Variants in VPS37B observed in about 807,000 individuals in gnomAD.
VPS37B encodes vacuolar protein sorting-associated protein 37B.
Under a neutral mutation model 21.2 loss-of-function variants are expected in VPS37B, and 11 were observed. The observed-to-expected ratio is 0.52, with a 90% CI of 0.33 to 0.86. VPS37B has a LOEUF of 0.86. Ranked by LOEUF, VPS37B falls within the 40% of genes least tolerant of loss-of-function variation. The pLI is 0.03. For missense variants in VPS37B, 389 were observed against 374.8 expected, an observed-to-expected ratio of 1.04 and a Z score of -0.31; for synonymous variants, 175 against 159.6, an observed-to-expected ratio of 1.10 and a Z score of -0.73.
At chr12:122,875,787 C>T (rs2034138268) in intron 1 of VPS37B, 2 of 150,088 alleles carry the variant, frequency 1.3e-5, no homozygotes, top group Non-Finnish European at 2.9e-5. Flanking sequence ...ATGTCTGTGA[C>T]CAAATCTGTA....
At chr12:122,894,982 C>A (rs2034469507) in intron 1 of VPS37B, among the ~76,000 whole-genome samples, 1 of 152,138 alleles carries the variant, frequency 6.6e-6, no homozygotes, top group South Asian at 2.1e-4. Flanking sequence ...AATTTCCCAC[C>A]TTCCCTTCCT....
chr12:122,877,908 T>G (rs1048439406), intron 1 of VPS37B: 1 of 152,210 alleles, frequency 6.6e-6, no homozygotes, highest in Admixed American at 6.5e-5. Context: ...CTGTGCTTGT[T>G]TGTTCATCTA....
intron 1 of VPS37B, chr12:122,887,981 G>C (rs2034353857): frequency 2.0e-5 from 3 of 152,412 alleles, no homozygotes; most frequent in Non-Finnish European, 4.4e-5. Context: ...TGGATTTACA[G>C]GTGTCAGCCA....
At chr12:122,895,328 C>T (rs921673488) in intron 1 of VPS37B, among the ~76,000 whole-genome samples, 1 of 151,614 alleles carries the variant, frequency 6.6e-6, no homozygotes, top group African/African-American at 2.4e-5. Flanking sequence ...CCACTCAGTC[C>T]CCCAAAACCT....
At chr12:122,887,465 T>C (rs2034345528) in intron 1 of VPS37B, 1 of 152,336 alleles carries the variant, frequency 6.6e-6, no homozygotes, top group Non-Finnish European at 1.5e-5. Flanking sequence ...AATATTCCTG[T>C]ATGCACACAC....
At chr12:122,883,362 C>G (rs908339597) in intron 1 of VPS37B, 2 of 152,182 alleles carry the variant, frequency 1.3e-5, no homozygotes, top group Admixed American at 1.3e-4. Flanking sequence ...ACACAAAAAG[C>G]TAGGCTCGAA....
chr12:122,866,104 A>AG lies in VPS37B; in HGVS notation c.*1011dup, dbSNP rs1308550942. 2 of 152,668 alleles carry AG rather than the reference A, an allele frequency of 1.3e-5. No individual in the cohort carries two copies. Among genetic ancestry groups the AG allele is most frequent in the African/African-American group, 4.8e-5 (2 of 41,460 alleles). 9.5% of individuals were successfully genotyped at this position (152,668 alleles called of 1,614,324 possible). ...TGTAACAGGGCAATGAACTTGGACA[A>AG]GCCCTTCAGAGAAAGCAGAGCCGGG... On this transcript the variant is annotated 3_prime_UTR_variant, in exon 4 of 4. Coordinates refer to ENST00000267202, the MANE Select transcript of VPS37B (RefSeq NM_024667.3).
intron 1 of VPS37B, chr12:122,872,509 T>C: frequency 2.0e-6 from 2 of 985,364 alleles, no homozygotes; most frequent in African/African-American, 1.7e-5. Context: ...CTGATGCCTT[T>C]AGCAAAAAAG....
rs1294263672 is a variant in VPS37B, at chr12:122,867,664, C to T, written c.367-57G>A. On this transcript the variant is annotated intron_variant, in intron 3 of 3. Coordinates refer to ENST00000267202, the MANE Select transcript of VPS37B (RefSeq NM_024667.3). This position sits in a 1 kb window ranked among gnomAD's most constrained non-coding sequence, Gnocchi z 5.5. ...AGCCAGATGGGGAGGATGCTCCCTT[C>T]GTGGTCTAGGCACAAGGAGAGGCAA... is the stretch of plus-strand genomic sequence containing the variant. 8.1e-6 allele frequency: 13 copies of T among 1,599,810 alleles called. No individual in the cohort carries two copies. The highest frequency in any genetic ancestry group is 7.7e-5 in the South Asian group (7 of 90,832).
Position 122,867,314 on chromosome 12 carries a change from G to A in VPS37B, c.660C>T (p.Ala220=). ...AACTCATGGCCGCAGTAAACGGGGT[G>A]GCTAAGCGTCCCGCAGGCACCGGGG... ...PPPPVPAGRL[A]TPFTAAMSSG... The change falls in exon 4 of 4, where the codon GCC becomes GCT. Residue 220 remains alanine (A), a synonymous_variant. Transcript: ENST00000267202. This position sits in a 1 kb window ranked among gnomAD's most constrained non-coding sequence, Gnocchi z 5.5. 1.3e-6 allele frequency: 2 copies of A among 1,584,034 alleles called. No homozygotes were observed. Among genetic ancestry groups the A allele is most frequent in the Non-Finnish European group, 1.7e-6 (2 of 1,165,264 alleles).
intron 1 of VPS37B, chr12:122,871,829 A>G (rs887765327): frequency 7.1e-6 from 7 of 983,692 alleles, no homozygotes; most frequent in Non-Finnish European, 8.5e-6. Flanking sequence ...AAACGCTCCT[A>G]GCAAAACTTA....
chr12:122,870,094 G>A (rs1008087546), intron 2 of VPS37B: 1 of 145,448 alleles, frequency 6.9e-6, no homozygotes, highest in African/African-American at 2.6e-5. Flanking sequence ...ACGGGCAAAC[G>A]TCATAAGACA....
At chr12:122,869,244 T>C (rs2033973873) in intron 2 of VPS37B, among the ~76,000 whole-genome samples, 1 of 152,270 alleles carries the variant, frequency 6.6e-6, no homozygotes. Flanking sequence ...AGATACAACA[T>C]TCTTGTACCT....
chr12:122,873,471 A>G (rs1474897154), intron 1 of VPS37B: 1 of 151,872 alleles, frequency 6.6e-6, no homozygotes, highest in Non-Finnish European at 1.5e-5. Context: ...GTGTTCCATC[A>G]CTCTCAATCA....
Position 122,867,429 on chromosome 12 carries a change from T to G in VPS37B, c.545A>C (p.Glu182Ala), listed in dbSNP as rs2135693405. Reference protein sequence around the residue: ...ALAPLPPRLPELAPTAPLPYP... With the variant: ...ALAPLPPRLPALAPTAPLPYP... ...GGGAAGGGGGGCGGTAGGTGCCAGT[T>G]CGGGCAGCCTGGGGGGCAGCGGGGC... Residue 182 changes from glutamate to alanine, a missense_variant, in exon 4 of 4, where the codon GAA becomes GCA. Transcript: ENST00000267202. The surrounding 1 kb of genome is among the most constrained non-coding windows in gnomAD (Gnocchi z 5.5). 7.0e-7 allele frequency: 1 copy of G among 1,424,734 alleles called. No homozygotes were observed. Among genetic ancestry groups the G allele is most frequent in the South Asian group, 1.1e-5 (1 of 88,272 alleles). 88.3% of individuals were successfully genotyped at this position (1,424,734 alleles called of 1,614,324 possible). A position where few individuals can be genotyped will look rare whatever the true frequency, so the allele number is the denominator to read the frequency against.
At chr12:122,884,928 CTG>C (rs2034299907) in intron 1 of VPS37B, 1 of 152,178 alleles carries the variant, frequency 6.6e-6, no homozygotes, top group African/African-American at 2.4e-5. Context: ...TTTATTAAGA[CTG>C]TATCTTTTGA....
At chr12:122,877,682 C>G (rs2034175892) in intron 1 of VPS37B, 1 of 152,380 alleles carries the variant, frequency 6.6e-6, no homozygotes, top group Non-Finnish European at 1.5e-5. Context: ...CTACCCTAAC[C>G]AAGGTCTTAG....
At chr12:122,889,832 G>A (rs1390414405) in intron 1 of VPS37B, 2 of 152,040 alleles carry the variant, frequency 1.3e-5, no homozygotes, top group African/African-American at 4.8e-5. Flanking sequence ...GCACACCCTG[G>A]CACTCCCCCT....
chr12:122,867,968 C>G lies in VPS37B; in HGVS notation c.367-361G>C, dbSNP rs1316363672. Among the ~76,000 whole-genome samples, 1 of 152,210 alleles carries G rather than the reference C, an allele frequency of 6.6e-6. No individual in the cohort carries two copies. The highest frequency in any genetic ancestry group is 2.4e-5 in the African/African-American group (1 of 41,428). Reference sequence around the variant, plus strand: ...CTGCACCCTGACTGACAGACTCGCCCTGGGTGGGTAAGCAAGACAGAAACA... The same window carrying G: ...CTGCACCCTGACTGACAGACTCGCCGTGGGTGGGTAAGCAAGACAGAAACA... On this transcript the variant is annotated intron_variant, in intron 3 of 3. Coordinates refer to ENST00000267202, the MANE Select transcript of VPS37B (RefSeq NM_024667.3). The surrounding 1 kb of genome is among the most constrained non-coding windows in gnomAD (Gnocchi z 5.5).
Sources: allele counts gnomAD v4.1 joint callset (sites outside exome capture counted in the v4.1 genomes callset), GRCh38; gene constraint gnomAD v4.1.1; non-coding constraint Gnocchi (gnomAD v3.1); transcripts MANE v1.5; gene names NCBI Gene and HGNC (gene_info 2026-07-23, HGNC 2026-07-21).